The following SNX30 variants were observed in gnomAD, a reference collection of about 807,000 sequenced individuals.
The protein encoded by SNX30 is sorting nexin-30.
SNX30 carries 24 observed loss-of-function variants against 46.4 expected under a neutral mutation model. The observed-to-expected ratio is 0.52, with a 90% CI of 0.37 to 0.73. SNX30 has a LOEUF of 0.73. Among genes scored for constraint, SNX30 ranks in the 30% least tolerant of loss-of-function variants. SNX30 has a pLI of 0.00. For missense variants in SNX30, 533 were observed against 555.7 expected, an observed-to-expected ratio of 0.96 and a Z score of 0.41; for synonymous variants, 189 against 211.5, an observed-to-expected ratio of 0.89 and a Z score of 0.92.
chr9:112,790,798 C>T, intron 1 of SNX30, among the ~76,000 whole-genome samples: 1 of 152,186 alleles, frequency 6.6e-6, no homozygotes, highest in East Asian at 1.9e-4. Context: ...ATGCTTTAAA[C>T]ACATTTGCTC....
chr9:112,869,117 G>C lies in SNX30; in HGVS notation c.*274G>C. ...GTTCAGTGAAGCACTACGAAAATTT[G>C]AAACCAAGGGACAAGACAACCTGCA... On this transcript the variant is annotated 3_prime_UTR_variant, in exon 9 of 9. Transcript: ENST00000374232. The C allele has an allele frequency of 2.4e-6, 1 of 408,204 alleles. No homozygotes were observed. Among genetic ancestry groups the C allele is most frequent in the Non-Finnish European group, 4.5e-6 (1 of 220,428 alleles). The allele number at this position is 408,204 out of a possible 1,614,324, so 25.3% of individuals were successfully genotyped here.
chr9:112,797,958 T>G (rs1024129974), intron 1 of SNX30, among the ~76,000 whole-genome samples: 21 of 149,802 alleles, frequency 1.4e-4, no homozygotes, highest in Non-Finnish European at 2.5e-4. Context: ...GTGATCTGCC[T>G]GCCTTCGCCT....
intron 7 of SNX30, among the ~76,000 whole-genome samples, chr9:112,859,369 T>C (rs1841191276): frequency 6.6e-6 from 1 of 152,226 alleles, no homozygotes; most frequent in African/African-American, 2.4e-5. Flanking sequence ...AGTGGACATC[T>C]GTGTTGCTTT....
At chr9:112,819,801 C>G (rs1015520426) in intron 3 of SNX30, among the ~76,000 whole-genome samples, 1 of 152,196 alleles carries the variant, frequency 6.6e-6, no homozygotes, top group African/African-American at 2.4e-5. Context: ...ACCACAGAGG[C>G]AAGCTGCCAC....
chr9:112,856,076 G>A (rs780421575), intron 7 of SNX30, among the ~76,000 whole-genome samples: 5 of 152,118 alleles, frequency 3.3e-5, no homozygotes, highest in Admixed American at 6.5e-5. Context: ...TAATACACTT[G>A]GTATAACTAG....
intron 3 of SNX30, among the ~76,000 whole-genome samples, chr9:112,827,788 A>G (rs1840600499): frequency 6.6e-6 from 1 of 152,190 alleles, no homozygotes; most frequent in African/African-American, 2.4e-5. Context: ...TCTTACTTTG[A>G]ACTTGAACTG....
chr9:112,832,854 TA>T (rs1324173975), intron 4 of SNX30, among the ~76,000 whole-genome samples: 2 of 146,642 alleles, frequency 1.4e-5, no homozygotes, highest in Non-Finnish European at 3.0e-5. Flanking sequence ...ATATAATATA[TA>T]ATAAATATAA....
At chr9:112,805,974 A>G (rs1840218925) in intron 2 of SNX30, among the ~76,000 whole-genome samples, 1 of 152,238 alleles carries the variant, frequency 6.6e-6, no homozygotes, top group Non-Finnish European at 1.5e-5. Flanking sequence ...AATAATTTTA[A>G]TGTATCATTT....
intron 2 of SNX30, among the ~76,000 whole-genome samples, chr9:112,815,954 C>T (rs1031513907): frequency 6.6e-6 from 1 of 152,206 alleles, no homozygotes; most frequent in Non-Finnish European, 1.5e-5. Context: ...GACAATCCTC[C>T]TGCCTCAGCC....
At chr9:112,884,466 C>T (rs140905360), downstream of SNX30, among the ~76,000 whole-genome samples, 613 of 152,210 alleles carry the variant, frequency 4.0e-3, 3 homozygotes, top group Middle Eastern at 0.014. Context: ...AGTGACTTTG[C>T]GGAAAGGAAA....
intron 4 of SNX30, among the ~76,000 whole-genome samples, chr9:112,834,760 A>C (rs1049025874): frequency 2.0e-5 from 3 of 151,916 alleles, no homozygotes; most frequent in Admixed American, 2.0e-4. Context: ...GGCTTAACAC[A>C]CCCAACATTA....
intron 5 of SNX30, among the ~76,000 whole-genome samples, 177 bp from the exon 6 acceptor site, chr9:112,838,321 T>C (rs978285691): frequency 6.6e-6 from 1 of 152,228 alleles, no homozygotes; most frequent in Non-Finnish European, 1.5e-5. Context: ...TGTCAGAGGT[T>C]TTTAAGCAGT....
chr9:112,882,644 T>C (rs992001748), downstream of SNX30, among the ~76,000 whole-genome samples: 1 of 151,738 alleles, frequency 6.6e-6, no homozygotes, highest in Non-Finnish European at 1.5e-5. Flanking sequence ...GTTTGAGACA[T>C]ATTTTGGAGG....
At chr9:112,819,937 C>T (rs1014913159) in intron 3 of SNX30, among the ~76,000 whole-genome samples, 2 of 152,208 alleles carry the variant, frequency 1.3e-5, no homozygotes, top group Non-Finnish European at 2.9e-5. Context: ...TTCTCCCAGC[C>T]TTTTTGTACT....
intron 1 of SNX30, among the ~76,000 whole-genome samples, chr9:112,759,026 TG>T (rs1839398798): frequency 6.6e-6 from 1 of 152,016 alleles, no homozygotes; most frequent in Non-Finnish European, 1.5e-5. Context: ...CTCCTCCATC[TG>T]GTGCCTTTTT....
Position 112,836,367 on chromosome 9 carries a change from A to G in SNX30, c.772A>G (p.Thr258Ala), listed in dbSNP as rs771471405. 2 of 1,606,914 alleles carry G rather than the reference A, an allele frequency of 1.2e-6. No individual in the cohort carries two copies. The highest frequency in any genetic ancestry group is 1.3e-5 in the African/African-American group (1 of 74,986). The change falls in exon 5 of 9, where the codon ACC becomes GCC. Residue 258 changes from threonine (T) to alanine (A), a missense_variant. Thr to Ala is a moderately conservative substitution (Grantham distance 58). This residue lies in a region of SNX30 where 261 missense variants were observed against 270.9 expected (regional missense o/e 0.96). Coordinates refer to ENST00000374232, the MANE Select transcript of SNX30 (RefSeq NM_001012994.2). ...YLDTFALKLG[T>A]IDRIAQRIIK... ...AGATACATTTGCACTCAAACTGGGA[A>G]CCATTGATCGAATAGCCCAGCGGAT...
At chr9:112,795,928 G>A (rs1365283627) in intron 1 of SNX30, among the ~76,000 whole-genome samples, 1 of 152,150 alleles carries the variant, frequency 6.6e-6, no homozygotes, top group African/African-American at 2.4e-5. Context: ...ATTGAGAAGG[G>A]TGTGAGTAAT....
downstream of SNX30, chr9:112,878,869 T>A (rs1364682677): frequency 3.3e-5 from 5 of 152,194 alleles, no homozygotes; most frequent in African/African-American, 1.2e-4. Flanking sequence ...GAACATCAAG[T>A]CTGTAGTCAC....
chr9:112,785,618 A>G (rs1839912806), intron 1 of SNX30, among the ~76,000 whole-genome samples: 1 of 152,046 alleles, frequency 6.6e-6, no homozygotes, highest in Non-Finnish European at 1.5e-5. Flanking sequence ...TCCTGGCCTC[A>G]AGTGATCTGC....
Sources: allele counts gnomAD v4.1 joint callset (sites outside exome capture counted in the v4.1 genomes callset), GRCh38; gene constraint gnomAD v4.1.1; regional missense constraint gnomAD v4.1.1; transcripts MANE v1.5; gene names NCBI Gene and HGNC (gene_info 2026-07-23, HGNC 2026-07-21).